PPP2R5B: variants seen among roughly 807,000 people sequenced by gnomAD.
PPP2R5B encodes serine/threonine-protein phosphatase 2A 56 kDa regulatory subunit beta isoform.
In PPP2R5B, 19 loss-of-function variants were observed where a neutral mutation model predicts 59.9. The observed-to-expected ratio is 0.32, with a 90% CI of 0.22 to 0.47. The LOEUF (loss-of-function observed/expected upper bound fraction) is 0.47. Among genes scored for constraint, PPP2R5B ranks in the 20% least tolerant of loss-of-function variants. The pLI, the probability that PPP2R5B is intolerant of heterozygous loss-of-function variation, is 1.00. For synonymous variants in PPP2R5B, 286 were observed against 260.5 expected, an observed-to-expected ratio of 1.10 and a Z score of -0.94; for missense variants, 441 against 640.2, an observed-to-expected ratio of 0.69 and a Z score of 3.36.
At position 64,931,633 on chromosome 11, in the gene PPP2R5B, C is replaced by T. The variant is rs774825560; in HGVS notation, c.996+24C>T. 19 of 1,613,512 alleles carry T rather than the reference C, an allele frequency of 1.2e-5. No homozygotes were observed. The highest frequency in any genetic ancestry group is 1.6e-4 in the Middle Eastern group (1 of 6,084). ...AGGTATGAAGAAGGGCTTTGATGCC[C>T]GCCAGAGGGAGGCTGGGAGGGCTCG... is the stretch of plus-strand genomic sequence containing the variant. On this transcript the variant is annotated intron_variant, in intron 10 of 13. Coordinates refer to ENST00000164133, the MANE Select transcript of PPP2R5B (RefSeq NM_006244.4). The surrounding 1 kb of genome is among the most constrained non-coding windows in gnomAD (Gnocchi z 5.0).
At chr11:64,933,070 G>A in intron 12 of PPP2R5B, 75 bp from the exon 13 acceptor site, 1 of 1,502,950 alleles carries the variant, frequency 6.7e-7, no homozygotes, top group Non-Finnish European at 9.2e-7. Flanking sequence ...AATGCTGTAT[G>A]TGAAGGGCAG....
upstream of PPP2R5B, among the ~76,000 whole-genome samples, chr11:64,922,500 AAC>A (rs1421756566): frequency 6.6e-6 from 1 of 151,688 alleles, no homozygotes; most frequent in African/African-American, 2.4e-5. Flanking sequence ...AAAACAAACA[AAC>A]AAAAAATGTT....
In PPP2R5B at chr11:64,925,699, CG is replaced by C; in HGVS notation, c.-32del. The C allele has an allele frequency of 7.1e-7, 1 of 1,410,304 alleles. No homozygotes were observed. The highest frequency in any genetic ancestry group is 9.9e-7 in the Non-Finnish European group (1 of 1,012,140). 87.4% of individuals were successfully genotyped at this position (1,410,304 alleles called of 1,614,324 possible). Reference sequence around the variant, plus strand: ...ACCTCCCAGGCCCAGAGAGAACCCCCGGGGCTCTGAAAGCTTGCCCTGCCGC... The same window carrying C: ...ACCTCCCAGGCCCAGAGAGAACCCCCGGGCTCTGAAAGCTTGCCCTGCCGC... On this transcript the variant is annotated 5_prime_UTR_variant, in exon 2 of 14. Transcript: ENST00000164133. This position sits in a 1 kb window ranked among gnomAD's most constrained non-coding sequence, Gnocchi z 4.6.
Position 64,930,505 on chromosome 11 carries a change from C to T in PPP2R5B, c.807C>T (p.Pro269=). 3 of 1,614,140 alleles carry T rather than the reference C, an allele frequency of 1.9e-6. No homozygotes were observed. Among genetic ancestry groups the T allele is most frequent in the Non-Finnish European group, 1.7e-6 (2 of 1,180,008 alleles). The change falls in exon 8 of 14, where the codon CCC becomes CCT. Residue 269 remains proline, a synonymous_variant. Coordinates refer to ENST00000164133, the MANE Select transcript of PPP2R5B (RefSeq NM_006244.4). ...LGSIINGFAL[P]LKTEHKQFLV... Reference sequence around the variant, plus strand: ...GCATCATCAATGGCTTTGCGCTGCCCCTGAAGACGGAGCACAAGCAGTTCC... The same window carrying T: ...GCATCATCAATGGCTTTGCGCTGCCTCTGAAGACGGAGCACAAGCAGTTCC...
chr11:64,928,388 G>T lies in PPP2R5B; in HGVS notation c.685G>T (p.Ala229Ser). ...RVYGKFLGLR[A>S]YIRKQCNHIF... ...CTATGGCAAGTTCCTGGGTCTCCGG[G>T]CCTACATCCGCAAACAGTGCAACCA... The change falls in exon 6 of 14, where the codon GCC becomes TCC. Residue 229 changes from alanine (A) to serine (S), a missense_variant. Coordinates refer to ENST00000164133, the MANE Select transcript of PPP2R5B (RefSeq NM_006244.4). 6.2e-7 allele frequency: 1 copy of T among 1,614,232 alleles called. No homozygotes were observed. The highest frequency in any genetic ancestry group is 1.3e-5 in the African/African-American group (1 of 75,056).
At chr11:64,929,673 C>T (rs1945207310) in intron 6 of PPP2R5B, among the ~76,000 whole-genome samples, 1 of 152,260 alleles carries the variant, frequency 6.6e-6, no homozygotes, top group South Asian at 2.1e-4. Flanking sequence ...TTGCAGTGAG[C>T]CAAGATTGCG....
chr11:64,926,611 G>A, intron 2 of PPP2R5B, 101 bp from the exon 3 acceptor site: 1 of 1,295,566 alleles, frequency 7.7e-7, no homozygotes, highest in Admixed American at 2.0e-5. Flanking sequence ...GGGCCTGGGG[G>A]CAGCAGAGGC....
At chr11:64,919,414 G>C (rs548814099) in intron 1 of PPP2R5B, among the ~76,000 whole-genome samples, 57 of 151,854 alleles carry the variant, frequency 3.8e-4, no homozygotes, top group African/African-American at 1.3e-3. Flanking sequence ...CAGGCTGGGG[G>C]CAGTACTGTG....
At chr11:64,928,751 G>A (rs1466145362) in intron 6 of PPP2R5B, among the ~76,000 whole-genome samples, 1 of 152,232 alleles carries the variant, frequency 6.6e-6, no homozygotes, top group East Asian at 1.9e-4. Context: ...GGGCGCGGTG[G>A]CGGGCGCCTG....
At chr11:64,926,519 GCAACCCTCAACCCC>G (rs1304503777) in intron 2 of PPP2R5B, among the ~76,000 whole-genome samples, 179 bp from the exon 3 acceptor site, 2 of 152,376 alleles carry the variant, frequency 1.3e-5, no homozygotes, top group East Asian at 3.9e-4. Context: ...AGGAAGAAAA[GCAACCCTCAACCCC>G]CAGGAATGGA....
At position 64,925,658 on chromosome 11, in the gene PPP2R5B, T is replaced by G; in HGVS notation, c.-77T>G. Reference sequence around the variant, plus strand: ...GACAGGATGGGACCAAGTTAGTCTGTCCAGTCTCACCCAGCACCTCCCAGG... The same window carrying G: ...GACAGGATGGGACCAAGTTAGTCTGGCCAGTCTCACCCAGCACCTCCCAGG... On this transcript the variant is annotated 5_prime_UTR_variant, in exon 2 of 14. Coordinates refer to ENST00000164133, the MANE Select transcript of PPP2R5B (RefSeq NM_006244.4). The surrounding 1 kb of genome is among the most constrained non-coding windows in gnomAD (Gnocchi z 4.6). 3.1e-6 allele frequency: 2 copies of G among 636,762 alleles called. No homozygotes were observed. Among genetic ancestry groups the G allele is most frequent in the Non-Finnish European group, 5.3e-6 (2 of 376,998 alleles). 39.4% of individuals were successfully genotyped at this position (636,762 alleles called of 1,614,324 possible). A position where few individuals can be genotyped will look rare whatever the true frequency, so the allele number is the denominator to read the frequency against.
upstream of PPP2R5B, among the ~76,000 whole-genome samples, chr11:64,921,148 G>A (rs1258397980): frequency 6.6e-6 from 1 of 151,748 alleles, no homozygotes; most frequent in African/African-American, 2.4e-5. Flanking sequence ...TAGAGATGGA[G>A]TTTCACTATG....
Position 64,931,797 on chromosome 11 carries a change from T to G in PPP2R5B, c.1045T>G (p.Ser349Ala). 6.2e-7 allele frequency: 1 copy of G among 1,612,908 alleles called. No homozygotes were observed. Among genetic ancestry groups the G allele is most frequent in the Non-Finnish European group, 8.5e-7 (1 of 1,179,416 alleles). The change falls in exon 11 of 14, where the codon TCC (serine) becomes GCC (alanine). Residue 349 changes from serine to alanine, a missense_variant. Ser to Ala is a moderately conservative substitution (Grantham distance 99). Transcript: ENST00000164133. This position sits in a 1 kb window ranked among gnomAD's most constrained non-coding sequence, Gnocchi z 5.0. Reference protein sequence around the residue: ...MEEILDVIEPSQFVKIQEPLF... With the variant: ...MEEILDVIEPAQFVKIQEPLF... ...AGAGATTCTTGATGTCATCGAGCCC[T>G]CCCAGTTTGTGAAGATCCAGGAGCC...
At chr11:64,932,675 C>A in intron 11 of PPP2R5B, 90 bp from the exon 12 acceptor site, 2 of 1,510,332 alleles carry the variant, frequency 1.3e-6, no homozygotes, top group Non-Finnish European at 1.8e-6. Flanking sequence ...GGTCAGGGGG[C>A]CTGGGCGTTG....
rs2136690854 is a variant in PPP2R5B at position 64,932,843 on chromosome 11, C to A, written c.1195C>A (p.Pro399Thr). The stretch of plus-strand genomic sequence containing the variant: ...TGAGGACAACTGCCACACTGTGCTG[C>A]CTGCTGTGTTTGGGACCCTCTACCA... Reference protein sequence around the residue: ...LIEDNCHTVLPAVFGTLYQVS... With the variant: ...LIEDNCHTVLTAVFGTLYQVS... The change falls in exon 12 of 14, where the codon CCT becomes ACT. Residue 399 changes from proline to threonine, a missense_variant. By Grantham distance (38) the Pro-to-Thr change is conservative. Coordinates refer to ENST00000164133, the MANE Select transcript of PPP2R5B (RefSeq NM_006244.4). 2 of 1,614,162 alleles carry A rather than the reference C, an allele frequency of 1.2e-6. No individual in the cohort carries two copies. The highest frequency in any genetic ancestry group is 1.3e-5 in the African/African-American group (1 of 75,034).
At chr11:64,932,592 C>A (rs1406232189) in intron 11 of PPP2R5B, among the ~76,000 whole-genome samples, 173 bp from the exon 12 acceptor site, 1 of 152,164 alleles carries the variant, frequency 6.6e-6, no homozygotes, top group African/African-American at 2.4e-5. Context: ...GATTCCGTAT[C>A]TAGAACTCTT....
In PPP2R5B at chr11:64,933,884, C is replaced by G. The variant is rs1945256886; in HGVS notation, c.*40C>G. ...GGGGAAAAGCTAAACCCAGAGCTGT[C>G]AGTCCCTCTATCCCTTCTCCTGTCC... On this transcript the variant is annotated 3_prime_UTR_variant, in exon 14 of 14. Transcript: ENST00000164133. 1 of 1,479,192 alleles carries G rather than the reference C, an allele frequency of 6.8e-7. No individual in the cohort carries two copies. Among genetic ancestry groups the G allele is most frequent in the Non-Finnish European group, 9.0e-7 (1 of 1,112,268 alleles). 91.6% of individuals were successfully genotyped at this position (1,479,192 alleles called of 1,614,324 possible).
At chr11:64,918,372 CTTTT>C (rs1410618716) in intron 1 of PPP2R5B, 2 of 151,068 alleles carry the variant, frequency 1.3e-5, no homozygotes, top group Non-Finnish European at 2.9e-5. Context: ...CTTTTCTTTT[CTTTT>C]TGAGACAGAC....
rs755887439 is a variant in PPP2R5B, at chr11:64,925,723, C to T, written c.-12C>T. On this transcript the variant is annotated 5_prime_UTR_variant, in exon 2 of 14. Coordinates refer to ENST00000164133, the MANE Select transcript of PPP2R5B (RefSeq NM_006244.4). This position sits in a 1 kb window ranked among gnomAD's most constrained non-coding sequence, Gnocchi z 4.6. ...CCGGGGCTCTGAAAGCTTGCCCTGCCGCCTGACCGCCATGGAGACGAAGCT... is the reference window on the plus strand; with the variant it reads ...CCGGGGCTCTGAAAGCTTGCCCTGCTGCCTGACCGCCATGGAGACGAAGCT... The T allele has an allele frequency of 2.4e-5, 38 of 1,572,536 alleles. No homozygotes were observed. Among genetic ancestry groups the T allele is most frequent in the Middle Eastern group, 3.4e-4 (2 of 5,816 alleles).
Sources: gnomAD v4.1 joint callset for allele counts (sites outside exome capture counted in the v4.1 genomes callset) on GRCh38, gnomAD v4.1.1 for gene constraint, Gnocchi (gnomAD v3.1) non-coding constraint, MANE v1.5 for transcripts, NCBI Gene and HGNC (gene_info 2026-07-23, HGNC 2026-07-21) for gene names.